ENY2: variants seen among roughly 807,000 people sequenced by gnomAD.
ENY2 encodes transcription and mRNA export factor ENY2.
A neutral mutation model predicts 15.9 loss-of-function variants in ENY2; 4 were observed. That is an observed-to-expected ratio of 0.25 (90% CI 0.12 to 0.57). The LOEUF is 0.57. Among genes scored for constraint, ENY2 ranks in the 20% least tolerant of loss-of-function variants. The pLI, the probability that ENY2 is intolerant of heterozygous loss-of-function variation, is 0.91. For synonymous variants in ENY2, 48 were observed against 38.0 expected (o/e 1.26, Z -0.97); for missense variants, 54 against 117.2 (o/e 0.46, Z 2.49).
intron 2 of ENY2, chr8:109,339,079 GC>G (rs1346341037): frequency 3.7e-6 from 2 of 537,372 alleles, no homozygotes; most frequent in Non-Finnish European, 6.6e-6. Flanking sequence ...AAGTATTTTA[GC>G]CCCTCCACTT....
chr8:109,340,742 C>G (rs1008775614), intron 4 of ENY2, 179 bp downstream of exon 4: 2 of 658,664 alleles, frequency 3.0e-6, no homozygotes, highest in Non-Finnish European at 5.1e-6. Context: ...AAATGAGATA[C>G]TAGGTTTCAG....
chr8:109,342,745 C>G, intron 4 of ENY2: 1 of 697,480 alleles, frequency 1.4e-6, no homozygotes, highest in South Asian at 1.5e-5. Context: ...CTCAGGCAAT[C>G]CTCCTGCCTC....
At chr8:109,336,692 GC>G in intron 2 of ENY2, 1 of 153,330 alleles carries the variant, frequency 6.5e-6, no homozygotes, top group Middle Eastern at 3.4e-3. Context: ...TTCCATCATA[GC>G]ATTTAATCAA....
chr8:109,342,820 G>T, intron 4 of ENY2: 4 of 589,750 alleles, frequency 6.8e-6, no homozygotes, highest in South Asian at 3.8e-5. Context: ...GTATATTATT[G>T]ACCTTTGTAT....
intron 1 of ENY2, 89 bp downstream of exon 1, chr8:109,334,563 C>G: frequency 6.8e-7 from 1 of 1,474,478 alleles, no homozygotes; most frequent in Non-Finnish European, 9.0e-7. Flanking sequence ...GTCCCCGACC[C>G]GCGCTCGCGG....
Position 109,345,811 on chromosome 8 carries a change from T to C in ENY2, c.*2330T>C, listed in dbSNP as rs985336721. The C allele has an allele frequency of 6.6e-6, 1 of 152,194 alleles. No homozygotes were observed. Among genetic ancestry groups the C allele is most frequent in the Non-Finnish European group, 1.5e-5 (1 of 68,038 alleles). 9.4% of individuals were successfully genotyped at this position (152,194 alleles called of 1,614,324 possible). A position where few individuals can be genotyped will look rare whatever the true frequency, so the allele number is the denominator to read the frequency against. On this transcript the variant is annotated 3_prime_UTR_variant, in exon 5 of 5. Coordinates refer to ENST00000521688, the MANE Select transcript of ENY2 (RefSeq NM_020189.6). ...AGAACATCACAGCAATTTAGAATAC[T>C]AAAGAGCATAGCTTTAAAATGATAG...
intron 3 of ENY2, 112 bp from the exon 4 acceptor site, chr8:109,340,377 T>TA: frequency 8.8e-6 from 13 of 1,479,872 alleles, no homozygotes; most frequent in East Asian, 5.0e-5. Context: ...GTCCTTTTTT[T>TA]AAAAAAACCA....
chr8:109,340,689 G>A, intron 4 of ENY2, 126 bp downstream of exon 4: 1 of 1,232,464 alleles, frequency 8.1e-7, no homozygotes, highest in East Asian at 2.6e-5. Flanking sequence ...CTTGTAAAGA[G>A]TTAAAATTGC....
In ENY2 at chr8:109,345,685, TAAAC is replaced by T. The variant is rs934642956; in HGVS notation, c.*2205_*2208del. On this transcript the variant is annotated 3_prime_UTR_variant, in exon 5 of 5. Transcript: ENST00000521688. The stretch of plus-strand genomic sequence containing the variant: ...TATTTCATAGTACTGTATATGGAAA[TAAAC>T]CAAATTTGCTCATAGAGATACTATT... 2 of 152,116 alleles carry T rather than the reference TAAAC, an allele frequency of 1.3e-5. No individual in the cohort carries two copies. Among genetic ancestry groups the T allele is most frequent in the African/African-American group, 4.8e-5 (2 of 41,432 alleles). 9.4% of individuals were successfully genotyped at this position (152,116 alleles called of 1,614,324 possible).
chr8:109,345,136 T>G lies in ENY2; in HGVS notation c.*1655T>G, dbSNP rs541026828. On this transcript the variant is annotated 3_prime_UTR_variant, in exon 5 of 5. Coordinates refer to ENST00000521688, the MANE Select transcript of ENY2 (RefSeq NM_020189.6). ...AGTTCAGCTTTAGTTGCTAAAACAT[T>G]CAGACATCCCTCTGACTTAGATCCC... 9 of 152,200 alleles carry G rather than the reference T, an allele frequency of 5.9e-5. No homozygotes were observed. Among genetic ancestry groups the G allele is most frequent in the Non-Finnish European group, 1.2e-4 (8 of 68,048 alleles). 9.4% of individuals were successfully genotyped at this position (152,200 alleles called of 1,614,324 possible).
In ENY2 at chr8:109,334,350, T is replaced by C. The variant is rs1350425591; in HGVS notation, c.-119T>C. 4 of 1,465,244 alleles carry C rather than the reference T, an allele frequency of 2.7e-6. No homozygotes were observed. Among genetic ancestry groups the C allele is most frequent in the East Asian group, 2.3e-5 (1 of 42,668 alleles). The allele number at this position is 1,465,244 out of a possible 1,614,324, so 90.8% of individuals were successfully genotyped here. ...GAAATGCGTGTTCTAGCTTTCTGTG[T>C]GCTTAGGTGCCCGAGCTACTGAGGG... is the stretch of plus-strand genomic sequence containing the variant. On this transcript the variant is annotated 5_prime_UTR_variant, in exon 1 of 5. Transcript: ENST00000521688.
intron 2 of ENY2, 134 bp downstream of exon 2, chr8:109,336,338 T>G: frequency 1.2e-6 from 1 of 800,492 alleles, no homozygotes; most frequent in Non-Finnish European, 1.9e-6. Context: ...ATTCCGAACA[T>G]CTGGAAAAAA....
In ENY2 at chr8:109,344,747, T is replaced by A. The variant is rs1264756015; in HGVS notation, c.*1266T>A. Reference sequence around the variant, plus strand: ...CTGCTGATTGAGAACCACTTCTGAATATAGCAAGGCTGTAAATTATCCACT... The same window carrying A: ...CTGCTGATTGAGAACCACTTCTGAAAATAGCAAGGCTGTAAATTATCCACT... On this transcript the variant is annotated 3_prime_UTR_variant, in exon 5 of 5. Coordinates refer to ENST00000521688, the MANE Select transcript of ENY2 (RefSeq NM_020189.6). The A allele has an allele frequency of 3.9e-5, 6 of 152,202 alleles. No homozygotes were observed. The highest frequency in any genetic ancestry group is 1.9e-4 in the East Asian group (1 of 5,186). 9.4% of individuals were successfully genotyped at this position (152,202 alleles called of 1,614,324 possible). A position where few individuals can be genotyped will look rare whatever the true frequency, so the allele number is the denominator to read the frequency against.
chr8:109,334,510 G>A (rs1466324019), intron 1 of ENY2, 36 bp downstream of exon 1: 1 of 1,607,612 alleles, frequency 6.2e-7, no homozygotes, highest in Non-Finnish European at 8.5e-7. Context: ...GCCGGGACCC[G>A]GGCCCAGCCC....
intron 1 of ENY2, 110 bp downstream of exon 1, chr8:109,334,584 C>A (rs1407011777): frequency 4.5e-6 from 6 of 1,336,196 alleles, no homozygotes; most frequent in African/African-American, 3.0e-5. Flanking sequence ...GCCTGTAGGG[C>A]TCTCCGACAG....
At chr8:109,342,881 T>G (rs533079721) in intron 4 of ENY2, 1 of 519,552 alleles carries the variant, frequency 1.9e-6, no homozygotes, top group South Asian at 2.4e-5. Flanking sequence ...TTTAATTTCA[T>G]TTGTCTTCTG....
chr8:109,345,530 T>C lies in ENY2; in HGVS notation c.*2049T>C, dbSNP rs544003732. On this transcript the variant is annotated 3_prime_UTR_variant, in exon 5 of 5. Transcript: ENST00000521688. Reference sequence around the variant, plus strand: ...AAACCTACCCAAACAAGTTTTTTGTTTCACTTCATCTCTTATAAAACAATG... The same window carrying C: ...AAACCTACCCAAACAAGTTTTTTGTCTCACTTCATCTCTTATAAAACAATG... 8.5e-5 allele frequency: 13 copies of C among 152,300 alleles called. No individual in the cohort carries two copies. In the East Asian group the frequency reaches 2.5e-3, roughly 29 times the overall value. 9.4% of individuals were successfully genotyped at this position (152,300 alleles called of 1,614,324 possible). A position where few individuals can be genotyped will look rare whatever the true frequency, so the allele number is the denominator to read the frequency against.
At chr8:109,334,854 T>TTAC (rs1318720482) in intron 1 of ENY2, 1 of 245,500 alleles carries the variant, frequency 4.1e-6, no homozygotes, top group Non-Finnish European at 7.8e-6. Flanking sequence ...TGACTAGACC[T>TTAC]TGTAGTTATT....
intron 3 of ENY2, 116 bp from the exon 4 acceptor site, chr8:109,340,370 CTTT>C: frequency 6.9e-7 from 1 of 1,442,088 alleles, no homozygotes; most frequent in East Asian, 2.5e-5. Flanking sequence ...TTTCAGTGTC[CTTT>C]TTTTAAAAAA....
Sources: gnomAD v4.1 joint callset for allele counts on GRCh38, gnomAD v4.1.1 for gene constraint, MANE v1.5 for transcripts, NCBI Gene and HGNC (gene_info 2026-07-23, HGNC 2026-07-21) for gene names.